The following DAB1 variants were observed in gnomAD, a reference collection of about 807,000 sequenced individuals.
The protein encoded by DAB1 is disabled homolog 1.
In DAB1, 15 loss-of-function variants were observed where a neutral mutation model predicts 64.6. The observed-to-expected ratio is 0.23, with a 90% CI of 0.16 to 0.36. DAB1 has a LOEUF of 0.36. Ranked by LOEUF, DAB1 falls within the 10% of genes least tolerant of loss-of-function variation. The pLI, the probability that DAB1 is intolerant of heterozygous loss-of-function variation, is 1.00. For synonymous variants in DAB1, 235 were observed against 251.9 expected (o/e 0.93, Z 0.64); for missense variants, 596 against 706.7 (o/e 0.84, Z 1.78).
intron 7 of DAB1, among the ~76,000 whole-genome samples, chr1:57,509,063 T>C (rs1644379252): frequency 6.6e-6 from 1 of 152,030 alleles, no homozygotes; most frequent in Admixed American, 6.6e-5. Context: ...ACAAAATACA[T>C]TTCTATATGT....
intron 5 of DAB1, among the ~76,000 whole-genome samples, chr1:58,029,706 A>G (rs1454137221): frequency 6.6e-6 from 1 of 152,234 alleles, no homozygotes; most frequent in African/African-American, 2.4e-5. Flanking sequence ...GAGGAAAAAT[A>G]TTGATGCATA....
At chr1:58,495,237 G>A (rs1645777994) in intron 3 of DAB1, among the ~76,000 whole-genome samples, 1 of 152,158 alleles carries the variant, frequency 6.6e-6, no homozygotes, top group African/African-American at 2.4e-5. Flanking sequence ...CATGGACACA[G>A]GAAGGGGAAC....
At chr1:58,388,499 T>C (rs1386676290) in intron 3 of DAB1, among the ~76,000 whole-genome samples, 1 of 152,208 alleles carries the variant, frequency 6.6e-6, no homozygotes, top group Non-Finnish European at 1.5e-5. Flanking sequence ...ACAGCCAGCC[T>C]ACAACCATAA....
intron 5 of DAB1, among the ~76,000 whole-genome samples, chr1:58,115,678 A>G (rs1402436959): frequency 4.3e-5 from 3 of 69,968 alleles, no homozygotes; most frequent in Admixed American, 1.9e-4. Context: ...ATGAGTTCAT[A>G]TCCTTTGTAG....
chr1:57,408,476 T>A (rs1165012422), intron 1 of DAB1, among the ~76,000 whole-genome samples: 1 of 152,062 alleles, frequency 6.6e-6, no homozygotes, highest in African/African-American at 2.4e-5. Context: ...CAGGATAGGT[T>A]TTACCACTAA....
chr1:58,336,916 T>C (rs575524166), intron 4 of DAB1, among the ~76,000 whole-genome samples: 27 of 152,242 alleles, frequency 1.8e-4, no homozygotes, highest in African/African-American at 6.5e-4. Flanking sequence ...TTAGCACTTA[T>C]TGAATGCAGT....
chr1:57,899,876 TG>T, intron 5 of DAB1, among the ~76,000 whole-genome samples: 1 of 152,142 alleles, frequency 6.6e-6, no homozygotes, highest in East Asian at 1.9e-4. Flanking sequence ...AGGAAACTCA[TG>T]CTCAATGGAA....
intron 1 of DAB1, among the ~76,000 whole-genome samples, chr1:57,420,277 A>G (rs891590216): frequency 1.3e-5 from 2 of 152,236 alleles, no homozygotes; most frequent in Admixed American, 6.5e-5. Flanking sequence ...CAGAGGCAGC[A>G]TAACAGTGGT....
chr1:57,248,275 T>G (rs1669043900), intron 2 of DAB1, among the ~76,000 whole-genome samples: 1 of 152,140 alleles, frequency 6.6e-6, no homozygotes. Flanking sequence ...AAAAAATACT[T>G]TCAATCCATG....
intron 2 of DAB1, among the ~76,000 whole-genome samples, chr1:57,276,358 C>T (rs920147125): frequency 1.3e-5 from 2 of 152,202 alleles, no homozygotes; most frequent in Non-Finnish European, 2.9e-5. Flanking sequence ...CTGCTGTAAT[C>T]ATTACTTCAA....
At chr1:58,482,379 T>C (rs1645502598) in intron 3 of DAB1, among the ~76,000 whole-genome samples, 1 of 152,238 alleles carries the variant, frequency 6.6e-6, no homozygotes, top group South Asian at 2.1e-4. Context: ...GTTGAGGGAC[T>C]GGCTGCTGAT....
chr1:58,259,232 A>G (rs931481411), intron 4 of DAB1, among the ~76,000 whole-genome samples: 5 of 152,214 alleles, frequency 3.3e-5, no homozygotes, highest in African/African-American at 1.2e-4. Flanking sequence ...AGCAGTGTGC[A>G]CATGCCCAAA....
intron 7 of DAB1, among the ~76,000 whole-genome samples, chr1:57,444,067 G>A (rs1316814241): frequency 6.6e-6 from 1 of 152,106 alleles, no homozygotes; most frequent in African/African-American, 2.4e-5. Flanking sequence ...CCCAGCTACA[G>A]TGGCTCTCAT....
At chr1:57,024,172 C>G (rs1183204918) in intron 10 of DAB1, among the ~76,000 whole-genome samples, 2 of 152,118 alleles carry the variant, frequency 1.3e-5, no homozygotes, top group South Asian at 2.1e-4. Flanking sequence ...CCTGGTGCCC[C>G]CCCGCCACAC....
chr1:57,526,519 C>G (rs1325942283), intron 7 of DAB1, among the ~76,000 whole-genome samples: 3 of 152,130 alleles, frequency 2.0e-5, no homozygotes, highest in African/African-American at 7.2e-5. Context: ...ATTTCTGCAC[C>G]AAACTAAGCA....
chr1:57,716,206 C>T (rs1335939662), intron 6 of DAB1, among the ~76,000 whole-genome samples: 1 of 152,138 alleles, frequency 6.6e-6, no homozygotes, highest in Non-Finnish European at 1.5e-5. Flanking sequence ...CCGCGCCCAG[C>T]CCATGACATT....
intron 3 of DAB1, among the ~76,000 whole-genome samples, chr1:57,140,299 A>G (rs1306463116): frequency 1.3e-5 from 2 of 152,124 alleles, no homozygotes; most frequent in African/African-American, 4.8e-5. Flanking sequence ...AATTTAGTCA[A>G]TATCACAATC....
Position 57,033,661 on chromosome 1 carries a change from G to A in DAB1, c.724-7618C>T, listed in dbSNP as rs1329654187. On this transcript the variant is annotated intron_variant, in intron 9 of 14. Coordinates refer to ENST00000371236, the MANE Select transcript of DAB1 (RefSeq NM_001365792.1). ...TGAGTTTAATGATGACAGTATCTAT[G>A]GTTCACACTTCCGTGGTCTCAGTAG... 3.1e-6 allele frequency: 4 copies of A among 1,298,976 alleles called. No homozygotes were observed. The African/African-American group carries it at 5.9e-5, about 19-fold the overall frequency. The allele number at this position is 1,298,976 out of a possible 1,614,324, so 80.5% of individuals were successfully genotyped here. A position where few individuals can be genotyped will look rare whatever the true frequency, so the allele number is the denominator to read the frequency against.
intron 7 of DAB1, among the ~76,000 whole-genome samples, chr1:57,599,179 CTTCT>C (rs1370857545): frequency 7.1e-6 from 1 of 141,492 alleles, no homozygotes; most frequent in Non-Finnish European, 1.5e-5. Flanking sequence ...ATTTGAGCTT[CTTCT>C]TTTTTTTTTT....
Sources: gnomAD v4.1 joint callset for allele counts (sites outside exome capture counted in the v4.1 genomes callset) on GRCh38, gnomAD v4.1.1 for gene constraint, MANE v1.5 for transcripts, NCBI Gene and HGNC (gene_info 2026-07-23, HGNC 2026-07-21) for gene names.